COL19A1: variants seen among roughly 807,000 people sequenced by gnomAD.
The protein encoded by COL19A1 is collagen alpha-1(XIX) chain.
COL19A1 carries 159 observed loss-of-function variants against 190.2 expected under a neutral mutation model. The ratio of observed to expected loss-of-function variants is 0.84; its 90% CI spans 0.73 to 0.95. COL19A1 has a LOEUF of 0.95. COL19A1 is among the 40% of genes least tolerant of loss of function. The pLI, the probability that COL19A1 is intolerant of heterozygous loss-of-function variation, is 0.00. For synonymous variants in COL19A1, 509 were observed against 458.9 expected, an observed-to-expected ratio of 1.11 and a Z score of -1.39; for missense variants, 1,418 against 1,431.9, an observed-to-expected ratio of 0.99 and a Z score of 0.16.
At chr6:69,873,927 C>T (rs190062732) in intron 1 of COL19A1, among the ~76,000 whole-genome samples, 2 of 152,164 alleles carry the variant, frequency 1.3e-5, no homozygotes, top group African/African-American at 4.8e-5. Flanking sequence ...ATTAGCCACT[C>T]CATTGAGAAA....
chr6:70,202,714 C>G (rs1276813738), intron 49 of COL19A1, among the ~76,000 whole-genome samples: 2 of 152,142 alleles, frequency 1.3e-5, no homozygotes, highest in East Asian at 3.9e-4. Flanking sequence ...AAGAGCCGCT[C>G]CTACCAAGAT....
chr6:70,149,022 T>C (rs143721343), intron 27 of COL19A1, among the ~76,000 whole-genome samples: 155 of 151,926 alleles, frequency 1.0e-3, no homozygotes, highest in African/African-American at 3.5e-3. Flanking sequence ...GAGGAAAAAG[T>C]AGCTTTGGCA....
At chr6:70,156,079 A>G (rs1447598988) in intron 31 of COL19A1, 48 bp from the exon 32 acceptor site, 7 of 1,553,458 alleles carry the variant, frequency 4.5e-6, no homozygotes, top group Non-Finnish European at 6.1e-6. Flanking sequence ...TCACCTTTAT[A>G]GACGGCTTTT....
intron 7 of COL19A1, among the ~76,000 whole-genome samples, chr6:69,935,849 A>G (rs1773068832): frequency 6.6e-6 from 1 of 152,106 alleles, no homozygotes; most frequent in Non-Finnish European, 1.5e-5. Flanking sequence ...TACAAAACTT[A>G]TCTATGTTTA....
chr6:69,947,461 G>A (rs773433246), intron 9 of COL19A1, among the ~76,000 whole-genome samples: 9 of 151,750 alleles, frequency 5.9e-5, no homozygotes, highest in Non-Finnish European at 1.0e-4. Flanking sequence ...ATATTAAACT[G>A]CAATCACCTT....
intron 17 of COL19A1, among the ~76,000 whole-genome samples, 162 bp downstream of exon 17, chr6:70,122,104 TA>T (rs1171460094): frequency 6.6e-6 from 1 of 152,058 alleles, no homozygotes; most frequent in East Asian, 1.9e-4. Context: ...AAAACAAAAA[TA>T]AAAAAAGTAT....
chr6:69,918,906 G>C (rs750818748), intron 4 of COL19A1, among the ~76,000 whole-genome samples: 1 of 152,112 alleles, frequency 6.6e-6, no homozygotes. Context: ...AATATAAAAC[G>C]TTCAATTTCA....
chr6:70,182,750 T>A (rs1766258449), intron 44 of COL19A1, among the ~76,000 whole-genome samples: 1 of 152,146 alleles, frequency 6.6e-6, no homozygotes, highest in African/African-American at 2.4e-5. Flanking sequence ...AACGTAGAGG[T>A]CATTGGTGGG....
At chr6:70,158,566 C>T (rs1787582939) in intron 34 of COL19A1, among the ~76,000 whole-genome samples, 1 of 152,092 alleles carries the variant, frequency 6.6e-6, no homozygotes, top group Non-Finnish European at 1.5e-5. Context: ...CGTTGTTGCA[C>T]AGCTCAAGGT....
chr6:70,073,059 C>A (rs1781656155), intron 15 of COL19A1, among the ~76,000 whole-genome samples: 1 of 151,854 alleles, frequency 6.6e-6, no homozygotes, highest in South Asian at 2.1e-4. Context: ...GCAGTCTTGG[C>A]TCACTACAAC....
chr6:69,914,786 A>G (rs1359097644), intron 4 of COL19A1, among the ~76,000 whole-genome samples: 1 of 152,196 alleles, frequency 6.6e-6, no homozygotes, highest in Non-Finnish European at 1.5e-5. Context: ...CAGTAATTAA[A>G]CTTTTTAAAC....
chr6:70,135,272 C>T (rs1332923570), intron 18 of COL19A1, among the ~76,000 whole-genome samples: 1 of 152,072 alleles, frequency 6.6e-6, no homozygotes, highest in Non-Finnish European at 1.5e-5. Context: ...TTTATGGAAG[C>T]TTCATTATGT....
At chr6:70,146,764 A>G (rs765759911) in intron 26 of COL19A1, 48 bp from the exon 27 acceptor site, 2 of 1,591,370 alleles carry the variant, frequency 1.3e-6, no homozygotes, top group Non-Finnish European at 1.7e-6. Flanking sequence ...CAGCAGAAAA[A>G]TGTATGTCTC....
chr6:69,895,963 T>A (rs533000403), intron 2 of COL19A1, among the ~76,000 whole-genome samples: 1 of 152,202 alleles, frequency 6.6e-6, no homozygotes, highest in Non-Finnish European at 1.5e-5. Flanking sequence ...TCTACACTTA[T>A]TTTTTGGTAC....
chr6:69,882,789 A>C (rs1356898248), intron 2 of COL19A1, among the ~76,000 whole-genome samples: 1 of 152,212 alleles, frequency 6.6e-6, no homozygotes, highest in Non-Finnish European at 1.5e-5. Context: ...AGGAATTACA[A>C]GGAAAAAAAC....
intron 18 of COL19A1, chr6:70,131,044 C>A (rs892767088): frequency 2.2e-6 from 1 of 461,668 alleles, no homozygotes; most frequent in Non-Finnish European, 4.5e-6. Flanking sequence ...TTCCCCTTGT[C>A]ATTTGCAGGT....
At chr6:69,993,867 G>C (rs899627035) in intron 11 of COL19A1, among the ~76,000 whole-genome samples, 1 of 151,124 alleles carries the variant, frequency 6.6e-6, no homozygotes, top group African/African-American at 2.4e-5. Context: ...CTAGCTAGTG[G>C]TCTATCAATC....
At chr6:69,901,329 G>A (rs1403091597) in intron 4 of COL19A1, among the ~76,000 whole-genome samples, 1 of 152,192 alleles carries the variant, frequency 6.6e-6, no homozygotes, top group Non-Finnish European at 1.5e-5. Flanking sequence ...CTGTGTAAAT[G>A]AGGTTCATAA....
At position 69,936,867 on chromosome 6, in the gene COL19A1, C is replaced by G. The variant is rs143709061; in HGVS notation, c.830C>G (p.Ala277Gly). The G allele has an allele frequency of 7.9e-5, 127 of 1,613,122 alleles. No individual in the cohort carries two copies. The highest frequency in any genetic ancestry group is 1.2e-4 in the African/African-American group (9 of 74,960). ...AGTAAAATGTCTTCATATCTGCCAG[C>G]AAAGCAGGAACTTAAAGACCAGTGC... ...HASKMSSYLP[A>G]KQELKDQCQC... The change falls in exon 8 of 51, where the codon GCA becomes GGA. Residue 277 changes from alanine to glycine, a missense_variant. Coordinates refer to ENST00000620364, the MANE Select transcript of COL19A1 (RefSeq NM_001858.6).
Sources: gnomAD v4.1 joint callset for allele counts (sites outside exome capture counted in the v4.1 genomes callset) on GRCh38, gnomAD v4.1.1 for gene constraint, MANE v1.5 for transcripts, NCBI Gene and HGNC (gene_info 2026-07-23, HGNC 2026-07-21) for gene names.